The following BCAP29 variants were observed in gnomAD, a reference collection of about 807,000 sequenced individuals.
BCAP29 encodes the protein B cell receptor associated protein 29, also known as B-cell receptor-associated protein 29.
A neutral mutation model predicts 31.8 loss-of-function variants in BCAP29; 34 were observed. The ratio of observed to expected loss-of-function variants is 1.07; its 90% confidence interval spans 0.81 to 1.42. The LOEUF (loss-of-function observed/expected upper bound fraction) is 1.42, where lower values mean the gene tolerates loss of function less well. Ranked by LOEUF, BCAP29 falls within the 40% of genes most tolerant of loss-of-function variation. BCAP29 has a pLI of 0.00. For synonymous variants in BCAP29, 104 were observed against 91.3 expected (o/e 1.14, Z -0.79); for missense variants, 314 against 269.2 (o/e 1.17, Z -1.16).
rs1563133563 is a variant in BCAP29 at position 107,599,021 on chromosome 7, A to ATATG, written c.481-1376_481-1375insTATG. On this transcript the variant is annotated intron_variant, in intron 5 of 7. Transcript: ENST00000005259. ...TATAGATCTACAAATTTATATATAT[A>ATATG]AATTTATATTAAAAATTTGTATATA... Among the ~76,000 whole-genome samples the ATATG allele has an allele frequency of 1.0e-4, 14 of 138,268 alleles. No individual in the cohort carries two copies. In the East Asian group the frequency reaches 2.4e-3, roughly 24 times the overall value. 90.7% of individuals were successfully genotyped at this position (138,268 alleles called of 152,430 possible).
chr7:107,584,389 G>A (rs532954443), intron 3 of BCAP29, among the ~76,000 whole-genome samples: 1 of 152,296 alleles, frequency 6.6e-6, no homozygotes, highest in East Asian at 1.9e-4. Context: ...AGTCTTAGAT[G>A]CAGGGTGTGC....
chr7:107,589,446 A>T (rs914354106), intron 3 of BCAP29, among the ~76,000 whole-genome samples: 1 of 152,220 alleles, frequency 6.6e-6, no homozygotes, highest in African/African-American at 2.4e-5. Flanking sequence ...GAAGCATGCA[A>T]CCTAGATCCC....
At chr7:107,621,543 T>C (rs973659166), downstream of BCAP29, 2 of 369,550 alleles carry the variant, frequency 5.4e-6, no homozygotes, top group Admixed American at 3.7e-5. Context: ...TAGCAAAAGA[T>C]ATGATTAAGT....
intron 2 of BCAP29, among the ~76,000 whole-genome samples, chr7:107,583,496 T>C (rs191793799): frequency 6.6e-6 from 1 of 152,286 alleles, no homozygotes; most frequent in African/African-American, 2.4e-5. Context: ...TCCTGAAATG[T>C]TGCCAATTGT....
intron 5 of BCAP29, among the ~76,000 whole-genome samples, chr7:107,599,281 ATTTTT>A (rs1338772642): frequency 7.9e-3 from 390 of 49,232 alleles, no homozygotes; most frequent in South Asian, 0.016. Flanking sequence ...TTTATATATA[ATTTTT>A]ATATATAAAT....
chr7:107,596,884 TATGTC>T (rs1162554098), intron 5 of BCAP29, among the ~76,000 whole-genome samples: 3 of 152,218 alleles, frequency 2.0e-5, no homozygotes, highest in African/African-American at 4.8e-5. Flanking sequence ...CAAGGAAACT[TATGTC>T]ATGATTACCA....
intron 3 of BCAP29, among the ~76,000 whole-genome samples, chr7:107,586,808 A>G (rs1016857267): frequency 7.3e-5 from 11 of 150,122 alleles, no homozygotes; most frequent in Admixed American, 2.7e-4. Context: ...GCTCACTGCA[A>G]CCTCCACTTT....
chr7:107,621,514 C>G, downstream of BCAP29: 1 of 355,240 alleles, frequency 2.8e-6, no homozygotes. Flanking sequence ...TCCCTGGAAC[C>G]TGGAAATGTT....
At chr7:107,598,937 G>A (rs1442999480) in intron 5 of BCAP29, among the ~76,000 whole-genome samples, 2 of 139,518 alleles carry the variant, frequency 1.4e-5, no homozygotes, top group Middle Eastern at 3.9e-3. Flanking sequence ...ACACACGCAC[G>A]CACATATATG....
At chr7:107,614,076 T>C (rs1027240813) in intron 7 of BCAP29, among the ~76,000 whole-genome samples, 3 of 152,212 alleles carry the variant, frequency 2.0e-5, no homozygotes, top group Non-Finnish European at 4.4e-5. Context: ...CTCTGATCAA[T>C]TGGGGAAGAG....
At chr7:107,597,142 A>G (rs1810008610) in intron 5 of BCAP29, among the ~76,000 whole-genome samples, 1 of 152,254 alleles carries the variant, frequency 6.6e-6, no homozygotes, top group Non-Finnish European at 1.5e-5. Flanking sequence ...ATAAGTGAGA[A>G]TATAAAAGAT....
chr7:107,583,338 A>T (rs1423714247), intron 2 of BCAP29, among the ~76,000 whole-genome samples: 1 of 152,078 alleles, frequency 6.6e-6, no homozygotes, highest in Non-Finnish European at 1.5e-5. Context: ...AAAATTATCA[A>T]GCTACATATT....
At chr7:107,606,774 G>T (rs571716156) in intron 6 of BCAP29, among the ~76,000 whole-genome samples, 1 of 152,142 alleles carries the variant, frequency 6.6e-6, no homozygotes, top group Non-Finnish European at 1.5e-5. Context: ...AAATTAGCAT[G>T]TTCTTTTCAT....
Position 107,588,653 on chromosome 7 carries a change from A to G in BCAP29, c.193+4671A>G, listed in dbSNP as rs528630591. Among the ~76,000 whole-genome samples, 6 of 152,306 alleles carry G rather than the reference A, an allele frequency of 3.9e-5. No homozygotes were observed. In the South Asian group the frequency reaches 1.2e-3, roughly 32 times the overall value. On this transcript the variant is annotated intron_variant, in intron 3 of 7. Coordinates refer to ENST00000005259, the MANE Select transcript of BCAP29 (RefSeq NM_018844.4). Reference sequence around the variant, plus strand: ...TCACATTTATATAGCCTTTCTTCCAACCGCTTTCCAGTCATGTGGCATAGA... The same window carrying G: ...TCACATTTATATAGCCTTTCTTCCAGCCGCTTTCCAGTCATGTGGCATAGA...
intron 3 of BCAP29, among the ~76,000 whole-genome samples, chr7:107,586,739 T>G (rs1807766236): frequency 6.7e-6 from 1 of 149,168 alleles, no homozygotes; most frequent in African/African-American, 2.5e-5. Context: ...TTTTTTTTTT[T>G]TTTTTTGTGA....
chr7:107,612,426 TATATATA>T (rs1563141439), intron 6 of BCAP29, among the ~76,000 whole-genome samples: 761 of 44,598 alleles, frequency 0.017, 51 homozygotes, highest in African/African-American at 0.038. Flanking sequence ...TATATATATA[TATATATA>T]TATATATTTA....
At chr7:107,585,504 C>A (rs1261014771) in intron 3 of BCAP29, among the ~76,000 whole-genome samples, 2 of 152,070 alleles carry the variant, frequency 1.3e-5, no homozygotes, top group Non-Finnish European at 2.9e-5. Context: ...AACTAAAGGA[C>A]CTTTGAAATG....
At chr7:107,621,709 A>G (rs1167155315), downstream of BCAP29, 1 of 472,248 alleles carries the variant, frequency 2.1e-6, no homozygotes, top group Non-Finnish European at 4.4e-6. Context: ...ATGGAGCCGC[A>G]GCAAAGGAAT....
At chr7:107,611,810 T>C (rs1813174612) in intron 6 of BCAP29, among the ~76,000 whole-genome samples, 1 of 152,210 alleles carries the variant, frequency 6.6e-6, no homozygotes, top group African/African-American at 2.4e-5. Flanking sequence ...GAGGAAATTA[T>C]AGAGCTGTGC....
Sources: gnomAD v4.1 joint callset for allele counts (sites outside exome capture counted in the v4.1 genomes callset) on GRCh38, gnomAD v4.1.1 for gene constraint, MANE v1.5 for transcripts, NCBI Gene and HGNC (gene_info 2026-07-23, HGNC 2026-07-21) for gene names.